The following XRCC4 variants were observed in gnomAD, a reference collection of about 807,000 sequenced individuals.
The protein encoded by XRCC4 is DNA repair protein XRCC4.
XRCC4 carries 28 observed loss-of-function variants against 39.1 expected under a neutral mutation model. The ratio of observed to expected loss-of-function variants is 0.72; its 90% CI spans 0.53 to 0.98. The LOEUF is 0.98. XRCC4 is among the 50% of genes least tolerant of loss of function. XRCC4 has a pLI of 0.00. For synonymous variants in XRCC4, 123 were observed against 126.4 expected, an observed-to-expected ratio of 0.97 and a Z score of 0.18; for missense variants, 350 against 376.4, an observed-to-expected ratio of 0.93 and a Z score of 0.58.
At chr5:83,344,368 C>G (rs1265144946) in intron 7 of XRCC4, among the ~76,000 whole-genome samples, 1 of 150,374 alleles carries the variant, frequency 6.7e-6, no homozygotes, top group East Asian at 2.0e-4. Context: ...TCTTGAGTAG[C>G]TAGCACTACA....
chr5:83,077,712 A>C (rs1203711215), intron 1 of XRCC4, 97 bp downstream of exon 1: 3 of 205,230 alleles, frequency 1.5e-5, no homozygotes, highest in South Asian at 1.4e-4. Context: ...GTTCCCTGCT[A>C]CTTACCCCTA....
At chr5:83,192,412 A>G (rs1346789756) in intron 3 of XRCC4, among the ~76,000 whole-genome samples, 3 of 151,248 alleles carry the variant, frequency 2.0e-5, no homozygotes, top group Non-Finnish European at 4.4e-5. Flanking sequence ...GGTTCAAGCA[A>G]TTCTCCTGCC....
chr5:83,312,222 C>A (rs1755732270), intron 7 of XRCC4, among the ~76,000 whole-genome samples: 1 of 152,146 alleles, frequency 6.6e-6, no homozygotes, highest in African/African-American at 2.4e-5. Context: ...TTCAAAATAT[C>A]TCAATAATTT....
chr5:83,249,336 C>T (rs964614801), intron 6 of XRCC4, among the ~76,000 whole-genome samples: 77 of 152,132 alleles, frequency 5.1e-4, no homozygotes, highest in South Asian at 1.0e-3. Context: ...TAATCCCATT[C>T]GGTTTTAAAG....
intron 7 of XRCC4, among the ~76,000 whole-genome samples, chr5:83,320,757 A>T (rs1157574656): frequency 6.7e-6 from 1 of 150,374 alleles, no homozygotes; most frequent in Non-Finnish European, 1.5e-5. Context: ...GGCCCAGATG[A>T]TTATTAGCAT....
At chr5:83,150,259 A>G (rs567234969) in intron 3 of XRCC4, among the ~76,000 whole-genome samples, 1 of 152,280 alleles carries the variant, frequency 6.6e-6, no homozygotes, top group Non-Finnish European at 1.5e-5. Flanking sequence ...TAAGAAATGC[A>G]CTTGTTACTC....
chr5:83,331,133 G>T (rs2112166356), intron 7 of XRCC4, among the ~76,000 whole-genome samples: 2 of 152,048 alleles, frequency 1.3e-5, no homozygotes, highest in African/African-American at 4.8e-5. Flanking sequence ...CTGTTGTGCT[G>T]ATTTTTTTGT....
intron 7 of XRCC4, among the ~76,000 whole-genome samples, chr5:83,261,824 T>C (rs1580438786): frequency 6.6e-6 from 1 of 152,160 alleles, no homozygotes; most frequent in South Asian, 2.1e-4. Flanking sequence ...CTATTATTGA[T>C]TAAAATTCAT....
chr5:83,280,812 T>C (rs1025176829), intron 7 of XRCC4, among the ~76,000 whole-genome samples: 1 of 152,220 alleles, frequency 6.6e-6, no homozygotes, highest in African/African-American at 2.4e-5. Flanking sequence ...CATATCAATC[T>C]GTTTATCTGT....
chr5:83,144,446 CCA>C (rs1420023604), intron 3 of XRCC4, among the ~76,000 whole-genome samples: 1 of 151,968 alleles, frequency 6.6e-6, no homozygotes, highest in African/African-American at 2.4e-5. Context: ...GAACATATCC[CCA>C]CTGTTAAATA....
intron 1 of XRCC4, among the ~76,000 whole-genome samples, chr5:83,093,743 A>C (rs1745539082): frequency 6.6e-6 from 1 of 152,192 alleles, no homozygotes; most frequent in Non-Finnish European, 1.5e-5. Context: ...AGGGAAATTA[A>C]AAAATATCTT....
chr5:83,291,353 A>G (rs768891696), intron 7 of XRCC4, among the ~76,000 whole-genome samples: 2 of 151,996 alleles, frequency 1.3e-5, no homozygotes, highest in Non-Finnish European at 2.9e-5. Context: ...GTATAATTCT[A>G]TGTCACAATC....
chr5:83,252,702 A>G (rs1753371988), intron 6 of XRCC4, among the ~76,000 whole-genome samples: 1 of 152,140 alleles, frequency 6.6e-6, no homozygotes, highest in South Asian at 2.1e-4. Context: ...CAGCTGAGAA[A>G]CTTAGAGATT....
intron 3 of XRCC4, among the ~76,000 whole-genome samples, chr5:83,114,134 G>A (rs1463690001): frequency 2.0e-5 from 3 of 147,210 alleles, no homozygotes; most frequent in Non-Finnish European, 4.5e-5. Flanking sequence ...TAGGCTGCAC[G>A]CTGCAATGGG....
At chr5:83,268,909 A>C (rs888006200) in intron 7 of XRCC4, among the ~76,000 whole-genome samples, 2 of 152,200 alleles carry the variant, frequency 1.3e-5, no homozygotes, top group African/African-American at 4.8e-5. Flanking sequence ...ATGGACCTAT[A>C]TATCCCATTT....
At chr5:83,261,574 G>T (rs1385423494) in intron 7 of XRCC4, among the ~76,000 whole-genome samples, 2 of 150,446 alleles carry the variant, frequency 1.3e-5, no homozygotes, top group South Asian at 2.1e-4. Flanking sequence ...AGAAACAAAA[G>T]TAGGGGAAGG....
intron 7 of XRCC4, among the ~76,000 whole-genome samples, chr5:83,337,570 G>C (rs1756631020): frequency 6.6e-6 from 1 of 152,146 alleles, no homozygotes. Context: ...CACCAGATAT[G>C]AATGAAAGAG....
At chr5:83,220,666 G>A (rs1054686188) in intron 6 of XRCC4, among the ~76,000 whole-genome samples, 5 of 152,042 alleles carry the variant, frequency 3.3e-5, no homozygotes, top group African/African-American at 1.2e-4. Context: ...ACCCTTAGTG[G>A]CAAATTCAAG....
At chr5:83,192,125 T>C (rs539548323) in intron 3 of XRCC4, among the ~76,000 whole-genome samples, 4 of 145,284 alleles carry the variant, frequency 2.8e-5, no homozygotes, top group African/African-American at 9.8e-5. Flanking sequence ...TGATAACTAT[T>C]AAGAGTCAAC....
Sources: allele counts gnomAD v4.1 joint callset (sites outside exome capture counted in the v4.1 genomes callset), GRCh38; gene constraint gnomAD v4.1.1; transcripts MANE v1.5; gene names NCBI Gene and HGNC (gene_info 2026-07-23, HGNC 2026-07-21).